Variants in FMN1 observed in about 807,000 individuals in gnomAD.
FMN1 encodes formin-1.
Under a neutral mutation model 132.4 loss-of-function variants are expected in FMN1, and 110 were observed. The observed-to-expected ratio is 0.83, with a 90% CI of 0.71 to 0.97. FMN1 has a LOEUF of 0.97. Ranked by LOEUF, FMN1 falls within the 50% of genes least tolerant of loss-of-function variation. The probability of loss-of-function intolerance (pLI) is 0.00; values close to 1 mark genes in which losing one functional copy is unlikely to be tolerated. For synonymous variants in FMN1, 722 were observed against 651.7 expected (o/e 1.11, Z -1.64); for missense variants, 1,792 against 1,705.3 (o/e 1.05, Z -0.90).
At chr15:33,017,483 T>C (rs548340083) in intron 6 of FMN1, among the ~76,000 whole-genome samples, 1 of 152,226 alleles carries the variant, frequency 6.6e-6, no homozygotes, top group East Asian at 1.9e-4. Flanking sequence ...AGTTGATTTT[T>C]TTTTTCAAAA....
Position 33,191,511 on chromosome 15 carries a change from C to G in FMN1, c.-197+2398G>C, listed in dbSNP as rs1966078466. ...CCAACTCTCTTCTCTCTCCCTCATC[C>G]TCAAACATGCACTAAGGCAGTATTT... On this transcript the variant is annotated intron_variant, in intron 2 of 20. Coordinates refer to ENST00000616417, the MANE Select transcript of FMN1 (RefSeq NM_001277313.2). Among the ~76,000 whole-genome samples, 5 of 152,208 alleles carry G rather than the reference C, an allele frequency of 3.3e-5. No homozygotes were observed. The South Asian group carries it at 1.0e-3, about 32-fold the overall frequency.
In FMN1 at chr15:32,892,827, G is replaced by C. The variant is rs117784150; in HGVS notation, c.3715-4535C>G. ...TCCAGCAATTTATCCATCTCTTCTA[G>C]GTTTTCTAGTTTATGTATCACCATT... On this transcript the variant is annotated intron_variant, in intron 15 of 20. Transcript: ENST00000616417. 3.6e-3 allele frequency among the ~76,000 whole-genome samples: 540 copies of C among 152,036 alleles called. 12 individuals carry two copies. The East Asian group carries it at 0.041, about 11-fold the overall frequency.
intron 5 of FMN1, among the ~76,000 whole-genome samples, chr15:33,069,265 C>T (rs145289751): frequency 1.4e-3 from 213 of 152,312 alleles, no homozygotes; most frequent in Non-Finnish European, 2.3e-3. Context: ...TGTTTCCTAG[C>T]TGCATAGCTG....
chr15:32,886,120 A>T (rs1169033322), intron 16 of FMN1, among the ~76,000 whole-genome samples: 1 of 152,206 alleles, frequency 6.6e-6, no homozygotes, highest in Non-Finnish European at 1.5e-5. Flanking sequence ...GATGGTATTT[A>T]GAAGAAAAAG....
At chr15:32,891,754 G>A (rs150242392) in intron 15 of FMN1, among the ~76,000 whole-genome samples, 24 of 152,110 alleles carry the variant, frequency 1.6e-4, no homozygotes, top group African/African-American at 5.8e-4. Context: ...TCCTTGTGGA[G>A]GTCTTTTGAC....
At chr15:32,779,318 A>T (rs1434616125) in intron 19 of FMN1, among the ~76,000 whole-genome samples, 1 of 152,210 alleles carries the variant, frequency 6.6e-6, no homozygotes, top group African/African-American at 2.4e-5. Flanking sequence ...ATGATATGTA[A>T]ATTCTATCTC....
chr15:32,887,562 A>C (rs755900108), intron 16 of FMN1, among the ~76,000 whole-genome samples: 2 of 152,240 alleles, frequency 1.3e-5, no homozygotes, highest in Non-Finnish European at 2.9e-5. Flanking sequence ...TGTGGGCCTT[A>C]CCATCATTAT....
chr15:33,035,583 CTTT>C (rs1419640629), intron 6 of FMN1, among the ~76,000 whole-genome samples: 15 of 152,156 alleles, frequency 9.9e-5, no homozygotes, highest in African/African-American at 3.6e-4. Flanking sequence ...ACCTCTCCCT[CTTT>C]TCTTATTTGG....
chr15:32,898,758 A>C lies in FMN1; in HGVS notation c.3714+76T>G, dbSNP rs906741843. 6.2e-6 allele frequency: 6 copies of C among 963,140 alleles called. No individual in the cohort carries two copies. The African/African-American group carries it at 9.7e-5, about 16-fold the overall frequency. 59.7% of individuals were successfully genotyped at this position (963,140 alleles called of 1,614,324 possible). ...TGTTGGGCTTGCAGTTCGTTCATCC[A>C]TCTATCCATCATCCAACTTATGAAT... On this transcript the variant is annotated intron_variant, in intron 15 of 20. Transcript: ENST00000616417.
intron 17 of FMN1, among the ~76,000 whole-genome samples, chr15:32,807,879 C>G (rs1261002217): frequency 6.6e-6 from 1 of 152,150 alleles, no homozygotes; most frequent in Non-Finnish European, 1.5e-5. Context: ...AGGCATCTAC[C>G]TTTATGGTGT....
intron 6 of FMN1, among the ~76,000 whole-genome samples, chr15:33,049,170 G>C (rs1460557956): frequency 6.6e-6 from 1 of 152,144 alleles, no homozygotes; most frequent in Non-Finnish European, 1.5e-5. Flanking sequence ...AAGGCCCTAA[G>C]TTTTGGTCAC....
chr15:32,880,416 T>C (rs2059741385), intron 16 of FMN1, among the ~76,000 whole-genome samples: 1 of 152,214 alleles, frequency 6.6e-6, no homozygotes, highest in South Asian at 2.1e-4. Context: ...AATTGTGTAT[T>C]CCTTAAGAAC....
At chr15:33,023,370 G>T (rs1172409455) in intron 6 of FMN1, among the ~76,000 whole-genome samples, 2 of 151,982 alleles carry the variant, frequency 1.3e-5, no homozygotes. Flanking sequence ...ATTGAAACAT[G>T]ACATCACCCA....
intron 6 of FMN1, among the ~76,000 whole-genome samples, chr15:33,037,221 C>A (rs905165554): frequency 2.0e-5 from 3 of 152,236 alleles, no homozygotes; most frequent in Non-Finnish European, 4.4e-5. Context: ...CAGACAAACA[C>A]ACTGGACGGT....
intron 16 of FMN1, among the ~76,000 whole-genome samples, chr15:32,866,635 A>G (rs924340835): frequency 1.3e-5 from 2 of 152,172 alleles, no homozygotes; most frequent in African/African-American, 2.4e-5. Flanking sequence ...TCCCAGTCCA[A>G]CTGTCTTTTA....
intron 17 of FMN1, among the ~76,000 whole-genome samples, chr15:32,812,820 A>T (rs991592083): frequency 3.3e-5 from 5 of 152,252 alleles, no homozygotes; most frequent in Admixed American, 6.5e-5. Flanking sequence ...AGAAAGGGTC[A>T]GACCTTCTAC....
chr15:32,947,017 G>A (rs1195160022), intron 9 of FMN1, among the ~76,000 whole-genome samples: 2 of 151,988 alleles, frequency 1.3e-5, no homozygotes, highest in African/African-American at 4.8e-5. Flanking sequence ...TACTCTTCAA[G>A]GTGTCTTGAT....
chr15:32,988,270 T>C (rs1379885472), intron 7 of FMN1, among the ~76,000 whole-genome samples: 2 of 152,096 alleles, frequency 1.3e-5, no homozygotes, highest in African/African-American at 4.8e-5. Context: ...TTCTTAACCT[T>C]GCAGAGATAA....
chr15:32,967,243 G>T (rs1182260565), intron 8 of FMN1, among the ~76,000 whole-genome samples: 1 of 152,188 alleles, frequency 6.6e-6, no homozygotes, highest in East Asian at 1.9e-4. Context: ...TGGGTGAAGG[G>T]CCCACATCTC....
Sources: allele counts gnomAD v4.1 joint callset (sites outside exome capture counted in the v4.1 genomes callset), GRCh38; gene constraint gnomAD v4.1.1; transcripts MANE v1.5; gene names NCBI Gene and HGNC (gene_info 2026-07-23, HGNC 2026-07-21).